RNFT2: variants seen among roughly 807,000 people sequenced by gnomAD.
The protein encoded by RNFT2 is ring finger protein, transmembrane 2.
In RNFT2, 36 loss-of-function variants were observed where a neutral mutation model predicts 53.0. The ratio of observed to expected loss-of-function variants is 0.68; its 90% confidence interval spans 0.52 to 0.90. The LOEUF (loss-of-function observed/expected upper bound fraction) is 0.90, where lower values mean the gene tolerates loss of function less well. Among genes scored for constraint, RNFT2 ranks in the 40% least tolerant of loss-of-function variants. RNFT2 has a pLI of 0.00. For missense variants in RNFT2, 514 were observed against 585.6 expected (o/e 0.88, Z 1.26); for synonymous variants, 260 against 253.2 (o/e 1.03, Z -0.26).
chr12:116,812,679 A>ATGC (rs1184554825), intron 7 of RNFT2, among the ~76,000 whole-genome samples: 4 of 151,716 alleles, frequency 2.6e-5, no homozygotes, highest in Non-Finnish European at 5.9e-5. Context: ...CGATTACAGC[A>ATGC]TGCGCCACCA....
intron 7 of RNFT2, among the ~76,000 whole-genome samples, chr12:116,818,700 A>T (rs1177683931): frequency 6.6e-6 from 1 of 152,196 alleles, no homozygotes; most frequent in East Asian, 1.9e-4. Flanking sequence ...GGTGTCGAGT[A>T]ATTGAAAGGC....
chr12:116,842,191 C>T (rs1428374932), intron 10 of RNFT2, among the ~76,000 whole-genome samples: 1 of 151,460 alleles, frequency 6.6e-6, no homozygotes, highest in Non-Finnish European at 1.5e-5. Context: ...CTCTTGTGGC[C>T]AGTAGATACC....
chr12:116,782,288 G>A (rs1490316340), intron 7 of RNFT2: 1 of 151,996 alleles, frequency 6.6e-6, no homozygotes, highest in African/African-American at 2.4e-5. Flanking sequence ...GGAGGCTGAG[G>A]CAGGAAGATT....
chr12:116,840,254 C>T (rs1877185061), intron 10 of RNFT2, among the ~76,000 whole-genome samples: 1 of 152,194 alleles, frequency 6.6e-6, no homozygotes, highest in Non-Finnish European at 1.5e-5. Context: ...TTGACCTTAT[C>T]TGTCCCCATC....
In RNFT2 at chr12:116,851,619, A is replaced by T. The variant is rs1877928690; in HGVS notation, c.*2171A>T. On this transcript the variant is annotated 3_prime_UTR_variant, in exon 11 of 11. Coordinates refer to ENST00000257575, the MANE Select transcript of RNFT2 (RefSeq NM_001382266.1). Reference sequence around the variant, plus strand: ...GCCGGGCGCGGTGGCGGGTGCCTGTAATCCCAGCTACTCAGGAGGCTAAGG... The same window carrying T: ...GCCGGGCGCGGTGGCGGGTGCCTGTTATCCCAGCTACTCAGGAGGCTAAGG... 10 of 605,344 alleles carry T rather than the reference A, an allele frequency of 1.7e-5. No homozygotes were observed. The East Asian group carries it at 2.7e-4, about 17-fold the overall frequency. 37.5% of individuals were successfully genotyped at this position (605,344 alleles called of 1,614,324 possible).
intron 7 of RNFT2, among the ~76,000 whole-genome samples, chr12:116,819,719 C>T (rs1422343751): frequency 1.3e-5 from 2 of 152,228 alleles, no homozygotes; most frequent in Non-Finnish European, 2.9e-5. Context: ...CCTGGCTCGC[C>T]CTTCTCTTGC....
At chr12:116,833,501 C>T (rs1876794676) in intron 7 of RNFT2, among the ~76,000 whole-genome samples, 1 of 152,218 alleles carries the variant, frequency 6.6e-6, no homozygotes, top group Non-Finnish European at 1.5e-5. Flanking sequence ...GACCCACTCT[C>T]CAGCCCTCTG....
At chr12:116,764,352 AT>A (rs552245723) in intron 5 of RNFT2, among the ~76,000 whole-genome samples, 5 of 150,806 alleles carry the variant, frequency 3.3e-5, no homozygotes, top group African/African-American at 7.3e-5. Flanking sequence ...TATGGAAATA[AT>A]TTTTTTTTTA....
At chr12:116,798,156 G>C (rs1469050548) in intron 7 of RNFT2, among the ~76,000 whole-genome samples, 1 of 151,528 alleles carries the variant, frequency 6.6e-6, no homozygotes, top group Non-Finnish European at 1.5e-5. Flanking sequence ...ATCACGTGAG[G>C]ACACAGAGAA....
intron 5 of RNFT2, among the ~76,000 whole-genome samples, chr12:116,758,090 T>C (rs1291933389): frequency 1.3e-5 from 2 of 152,236 alleles, no homozygotes; most frequent in Admixed American, 1.3e-4. Context: ...CCTCTTTGTC[T>C]CTTTTAACCA....
chr12:116,765,639 A>T (rs1055962449), intron 5 of RNFT2, among the ~76,000 whole-genome samples: 3 of 152,138 alleles, frequency 2.0e-5, no homozygotes, highest in African/African-American at 7.2e-5. Flanking sequence ...TCTCCTTCAG[A>T]CATTTCCTAG....
At chr12:116,836,822 C>T in intron 10 of RNFT2, among the ~76,000 whole-genome samples, 1 of 151,954 alleles carries the variant, frequency 6.6e-6, no homozygotes, top group East Asian at 1.9e-4. Context: ...CCCAGCTACT[C>T]TGGAAGCTGA....
chr12:116,826,882 A>C (rs1297209828), intron 7 of RNFT2, among the ~76,000 whole-genome samples: 1 of 152,106 alleles, frequency 6.6e-6, no homozygotes, highest in Non-Finnish European at 1.5e-5. Context: ...AGTGGGAGGG[A>C]TGGATAGTAA....
intron 3 of RNFT2, among the ~76,000 whole-genome samples, chr12:116,744,239 A>AC (rs1052732450): frequency 1.4e-4 from 21 of 151,448 alleles, no homozygotes; most frequent in Non-Finnish European, 2.7e-4. Context: ...AAAAAAAAAA[A>AC]AAAAGAGTTG....
At chr12:116,807,734 C>T (rs1453777602) in intron 7 of RNFT2, among the ~76,000 whole-genome samples, 1 of 152,134 alleles carries the variant, frequency 6.6e-6, no homozygotes, top group Non-Finnish European at 1.5e-5. Flanking sequence ...AGCCTCCTTA[C>T]ATCCTCTTCC....
At chr12:116,793,984 C>A (rs773242755) in intron 7 of RNFT2, among the ~76,000 whole-genome samples, 7 of 152,134 alleles carry the variant, frequency 4.6e-5, no homozygotes, top group Non-Finnish European at 1.0e-4. Context: ...TTCAGAGTTT[C>A]TCTGGGTGCT....
At chr12:116,755,832 A>T in intron 5 of RNFT2, 1 of 1,572,028 alleles carries the variant, frequency 6.4e-7, no homozygotes, top group Non-Finnish European at 8.7e-7. Flanking sequence ...GGCCTAGAGA[A>T]CATATATCGG....
intron 6 of RNFT2, among the ~76,000 whole-genome samples, chr12:116,772,586 T>C (rs1873251112): frequency 6.6e-6 from 1 of 152,110 alleles, no homozygotes; most frequent in Admixed American, 6.5e-5. Flanking sequence ...ATTACAGGTG[T>C]GAGCCATTGC....
At position 116,852,458 on chromosome 12, in the gene RNFT2, C is replaced by T. The variant is rs575691080; in HGVS notation, c.*3010C>T. The T allele has an allele frequency of 2.2e-5, 31 of 1,432,342 alleles. No individual in the cohort carries two copies. In the South Asian group the frequency reaches 3.5e-4, roughly 16 times the overall value. 88.7% of individuals were successfully genotyped at this position (1,432,342 alleles called of 1,614,324 possible). A position where few individuals can be genotyped will look rare whatever the true frequency, so the allele number is the denominator to read the frequency against. ...CCAGGGCAGTGTAGCATCTTTCAAG[C>T]TCCGTTACTATGGCGATGGCCATGA... On this transcript the variant is annotated 3_prime_UTR_variant, in exon 11 of 11. Transcript: ENST00000257575.
Sources: allele counts gnomAD v4.1 joint callset (sites outside exome capture counted in the v4.1 genomes callset), GRCh38; gene constraint gnomAD v4.1.1; transcripts MANE v1.5; gene names NCBI Gene and HGNC (gene_info 2026-07-23, HGNC 2026-07-21).